The following ASIC2 variants were observed in gnomAD, a reference collection of about 807,000 sequenced individuals.
The protein encoded by ASIC2 is acid sensing ion channel subunit 2.
Under a neutral mutation model 57.3 loss-of-function variants are expected in ASIC2, and 25 were observed. The observed-to-expected ratio is 0.44, with a 90% CI of 0.32 to 0.61. The LOEUF (loss-of-function observed/expected upper bound fraction) is 0.61, where lower values mean the gene tolerates loss of function less well. ASIC2 is among the 20% of genes least tolerant of loss of function. The pLI, the probability that ASIC2 is intolerant of heterozygous loss-of-function variation, is 0.06. For synonymous variants in ASIC2, 319 were observed against 307.5 expected (o/e 1.04, Z -0.39); for missense variants, 641 against 738.1 (o/e 0.87, Z 1.52).
chr17:34,014,201 A>G (rs1906865697), intron 1 of ASIC2, among the ~76,000 whole-genome samples: 1 of 152,350 alleles, frequency 6.6e-6, no homozygotes, highest in South Asian at 2.1e-4. Flanking sequence ...CATGATTTCA[A>G]TAAACTAAAT....
chr17:33,905,141 CTTT>C lies in ASIC2; in HGVS notation c.555+250834_555+250836del, dbSNP rs57064859. On this transcript the variant is annotated intron_variant, in intron 1 of 9. Transcript: ENST00000359872. ...TTTGCTTGAGCTACCTAGTTTAAGG[CTTT>C]TTTTTTTTTTTTTTTTTTTTTCCAC... Among the ~76,000 whole-genome samples, 229 of 87,838 alleles carry C rather than the reference CTTT, an allele frequency of 2.6e-3. 1 individual carries two copies. The highest frequency in any genetic ancestry group is 9.5e-3 in the African/African-American group (210 of 22,142). 57.6% of individuals were successfully genotyped at this position (87,838 alleles called of 152,430 possible). A position where few individuals can be genotyped will look rare whatever the true frequency, so the allele number is the denominator to read the frequency against.
At position 33,566,474 on chromosome 17, in the gene ASIC2, A is replaced by T. The variant is rs555322949; in HGVS notation, c.556-454407T>A. 3.3e-5 allele frequency among the ~76,000 whole-genome samples: 5 copies of T among 152,252 alleles called. 1 individual carries two copies. The highest frequency in any genetic ancestry group is 2.1e-4 in the South Asian group (1 of 4,828). On this transcript the variant is annotated intron_variant, in intron 1 of 9. Coordinates refer to the ASIC2 transcript ENST00000359872. ...ATTGTGGCTGCTGTTAATAGAAAAG[A>T]TGAGTAGGCAACTACAAGTTTGTCA... is the stretch of plus-strand genomic sequence containing the variant.
chr17:33,546,965 C>T (rs1013626), intron 1 of ASIC2, among the ~76,000 whole-genome samples: 85,402 of 151,914 alleles, frequency 0.56, 25,195 homozygotes, highest in African/African-American at 0.75. Flanking sequence ...CCTATTTCAT[C>T]TGCTGGCTGA....
At chr17:33,203,335 G>T (rs1906949545) in intron 1 of ASIC2, among the ~76,000 whole-genome samples, 6 of 152,130 alleles carry the variant, frequency 3.9e-5, no homozygotes, top group Admixed American at 3.9e-4. Context: ...AGGCATTCTG[G>T]GTAGCAATTC....
chr17:33,453,204 T>G (rs941482279), intron 1 of ASIC2, among the ~76,000 whole-genome samples: 1 of 151,758 alleles, frequency 6.6e-6, no homozygotes, highest in Admixed American at 6.6e-5. Flanking sequence ...CCTGTGTTTT[T>G]GGATGTATTG....
intron 2 of ASIC2, among the ~76,000 whole-genome samples, chr17:33,099,673 A>G (rs2092203082): frequency 6.6e-6 from 1 of 152,220 alleles, no homozygotes; most frequent in South Asian, 2.1e-4. Flanking sequence ...CTTGATAAGA[A>G]GGCTGATGAT....
intron 7 of ASIC2, among the ~76,000 whole-genome samples, chr17:33,018,312 T>C (rs2091817892): frequency 6.6e-6 from 1 of 152,188 alleles, no homozygotes; most frequent in African/African-American, 2.4e-5. Context: ...CCTGGAAGAA[T>C]TGTAATCAGT....
intron 1 of ASIC2, among the ~76,000 whole-genome samples, chr17:33,889,145 T>C (rs1279303480): frequency 6.6e-6 from 1 of 152,194 alleles, no homozygotes; most frequent in African/African-American, 2.4e-5. Flanking sequence ...CACTGGAGAA[T>C]GAAATGCCAA....
intron 1 of ASIC2, among the ~76,000 whole-genome samples, chr17:34,083,788 T>G (rs1160536548): frequency 6.6e-6 from 1 of 152,260 alleles, no homozygotes; most frequent in African/African-American, 2.4e-5. Flanking sequence ...GTGAGCATTT[T>G]TTCATGTGTG....
chr17:33,615,049 A>G (rs900693267), intron 1 of ASIC2, among the ~76,000 whole-genome samples: 1 of 152,218 alleles, frequency 6.6e-6, no homozygotes, highest in Non-Finnish European at 1.5e-5. Context: ...TTATTATTAA[A>G]GATTTCTTCC....
chr17:33,950,840 C>T (rs1904537764), intron 1 of ASIC2, among the ~76,000 whole-genome samples: 2 of 152,236 alleles, frequency 1.3e-5, no homozygotes, highest in Admixed American at 6.5e-5. Context: ...GCCTTTTGCA[C>T]TTTCTTTTTG....
chr17:33,778,888 G>A (rs1368837110), intron 1 of ASIC2, among the ~76,000 whole-genome samples: 1 of 152,106 alleles, frequency 6.6e-6, no homozygotes, highest in African/African-American at 2.4e-5. Flanking sequence ...TAGCAATAGG[G>A]GCAGGGCGCC....
At chr17:33,930,904 T>C (rs1915917216) in intron 1 of ASIC2, among the ~76,000 whole-genome samples, 1 of 139,106 alleles carries the variant, frequency 7.2e-6, no homozygotes, top group African/African-American at 3.3e-5. Context: ...TTTATTTATT[T>C]GTTTGTTTGT....
intron 2 of ASIC2, among the ~76,000 whole-genome samples, chr17:33,091,866 A>G (rs2092158861): frequency 6.6e-6 from 1 of 152,238 alleles, no homozygotes; most frequent in Non-Finnish European, 1.5e-5. Flanking sequence ...CCAACATGGT[A>G]GGTGCCAGTT....
intron 1 of ASIC2, among the ~76,000 whole-genome samples, chr17:33,454,970 T>C (rs1313186545): frequency 6.6e-6 from 1 of 152,240 alleles, no homozygotes; most frequent in East Asian, 1.9e-4. Flanking sequence ...GGGTATTGAA[T>C]TCCAACATAC....
At chr17:33,668,557 A>T (rs1017397103) in intron 1 of ASIC2, among the ~76,000 whole-genome samples, 5 of 152,102 alleles carry the variant, frequency 3.3e-5, no homozygotes, top group African/African-American at 1.2e-4. Flanking sequence ...ATGAGATTGG[A>T]CCCACCTGGA....
chr17:33,256,838 A>C (rs1909098854), intron 1 of ASIC2, among the ~76,000 whole-genome samples: 1 of 152,346 alleles, frequency 6.6e-6, no homozygotes, highest in East Asian at 1.9e-4. Context: ...TCTCAAAAAA[A>C]AAATTACTGT....
intron 1 of ASIC2, among the ~76,000 whole-genome samples, chr17:33,951,970 G>T (rs1013685618): frequency 3.3e-5 from 5 of 152,068 alleles, no homozygotes; most frequent in East Asian, 1.9e-4. Context: ...GGGGAGCACT[G>T]GTTACACACG....
intron 1 of ASIC2, among the ~76,000 whole-genome samples, chr17:33,382,199 C>A (rs1018446488): frequency 2.0e-5 from 3 of 152,174 alleles, no homozygotes; most frequent in Admixed American, 6.5e-5. Flanking sequence ...TGTTCCAATA[C>A]CTTTCAGAAT....
Sources: allele counts gnomAD v4.1 joint callset (sites outside exome capture counted in the v4.1 genomes callset), GRCh38; gene constraint gnomAD v4.1.1; transcripts MANE v1.5; gene names NCBI Gene and HGNC (gene_info 2026-07-23, HGNC 2026-07-21).